PRKCE: variants seen among roughly 807,000 people sequenced by gnomAD.
PRKCE encodes the protein protein kinase C epsilon, also known as protein kinase C epsilon type.
A neutral mutation model predicts 85.4 loss-of-function variants in PRKCE; 16 were observed. The ratio of observed to expected loss-of-function variants is 0.19; its 90% CI spans 0.13 to 0.28. The LOEUF is 0.28. Among genes scored for constraint, PRKCE ranks in the 10% least tolerant of loss-of-function variants. The probability of loss-of-function intolerance (pLI) is 1.00; values close to 1 mark genes in which losing one functional copy is unlikely to be tolerated. For missense variants in PRKCE, 573 were observed against 975.2 expected (o/e 0.59, Z 5.49); for synonymous variants, 388 against 371.5 (o/e 1.04, Z -0.51).
chr2:45,753,697 T>C (rs2104766107), intron 1 of PRKCE, among the ~76,000 whole-genome samples: 1 of 152,276 alleles, frequency 6.6e-6, no homozygotes, highest in East Asian at 1.9e-4. Context: ...TTCACACCTA[T>C]AAAAATAGAG....
chr2:45,853,752 A>G (rs921170861), intron 2 of PRKCE, among the ~76,000 whole-genome samples: 1 of 152,224 alleles, frequency 6.6e-6, no homozygotes, highest in Non-Finnish European at 1.5e-5. Context: ...TTTGCTTTGG[A>G]TAATCGGTTC....
chr2:46,175,469 G>A (rs1172894041), intron 14 of PRKCE, among the ~76,000 whole-genome samples: 8 of 152,268 alleles, frequency 5.3e-5, no homozygotes, highest in Middle Eastern at 3.4e-3. Context: ...TACTGTTCTC[G>A]CCACTTGATT....
chr2:45,661,242 G>T (rs1163817935), intron 1 of PRKCE, among the ~76,000 whole-genome samples: 1 of 151,950 alleles, frequency 6.6e-6, no homozygotes, highest in Non-Finnish European at 1.5e-5. Flanking sequence ...GAGTGCAGTG[G>T]CATGATATCG....
chr2:45,811,988 G>A lies in PRKCE; in HGVS notation c.349-31012G>A, dbSNP rs779706137. ...TTCATTCTTGCTAGGGGATTCCACC[G>A]CAGGGGAATACTCTTGGCACTGTCT... On this transcript the variant is annotated intron_variant, in intron 1 of 14. Coordinates refer to ENST00000306156, the MANE Select transcript of PRKCE (RefSeq NM_005400.3). 4.6e-5 allele frequency among the ~76,000 whole-genome samples: 7 copies of A among 152,202 alleles called. No homozygotes were observed. In the South Asian group the frequency reaches 6.2e-4, roughly 14 times the overall value.
intron 14 of PRKCE, among the ~76,000 whole-genome samples, chr2:46,172,714 T>C (rs1158729811): frequency 6.6e-6 from 1 of 152,202 alleles, no homozygotes; most frequent in South Asian, 2.1e-4. Context: ...CATTTTTACA[T>C]GAGACAGCCT....
chr2:46,051,406 C>T (rs1447923682), intron 10 of PRKCE, among the ~76,000 whole-genome samples: 1 of 152,188 alleles, frequency 6.6e-6, no homozygotes, highest in Admixed American at 6.5e-5. Flanking sequence ...GTGATTTTCT[C>T]ACTTAAACAG....
At chr2:46,157,237 G>T (rs933172906) in intron 13 of PRKCE, among the ~76,000 whole-genome samples, 17 of 152,078 alleles carry the variant, frequency 1.1e-4, no homozygotes, top group Non-Finnish European at 2.2e-4. Context: ...AACCTCAGCC[G>T]CACCCGAGTC....
intron 1 of PRKCE, among the ~76,000 whole-genome samples, chr2:45,689,907 A>C (rs1221786760): frequency 6.6e-6 from 1 of 151,932 alleles, no homozygotes; most frequent in Admixed American, 6.6e-5. Flanking sequence ...ATCTCAAAAA[A>C]AAAAAAAAAA....
At chr2:45,919,657 A>C (rs1470721662) in intron 2 of PRKCE, among the ~76,000 whole-genome samples, 1 of 152,250 alleles carries the variant, frequency 6.6e-6, no homozygotes, top group African/African-American at 2.4e-5. Flanking sequence ...GGACATCCCA[A>C]CAGATCGTGG....
rs1574574526 is a variant in PRKCE, at chr2:46,139,396, G to A, written c.1593-5697G>A. Among the ~76,000 whole-genome samples, 1 of 152,216 alleles carries A rather than the reference G, an allele frequency of 6.6e-6. No homozygotes were observed. Among genetic ancestry groups the A allele is most frequent in the East Asian group, 1.9e-4 (1 of 5,182 alleles). On this transcript the variant is annotated intron_variant, in intron 11 of 14. Coordinates refer to ENST00000306156, the MANE Select transcript of PRKCE (RefSeq NM_005400.3). The surrounding 1 kb of genome is among the most constrained non-coding windows in gnomAD (Gnocchi z 5.2). ...TGAGCAGATAGAAGATATAACGGAAGAAAGCCCCCATTTACCAGAAGAATT... is the reference window on the plus strand; with the variant it reads ...TGAGCAGATAGAAGATATAACGGAAAAAAGCCCCCATTTACCAGAAGAATT...
intron 13 of PRKCE, among the ~76,000 whole-genome samples, chr2:46,153,969 T>G (rs1200341510): frequency 6.6e-6 from 1 of 151,978 alleles, no homozygotes; most frequent in Admixed American, 6.5e-5. Context: ...GTATTTTTAG[T>G]AGAGGCAGGG....
intron 13 of PRKCE, 148 bp downstream of exon 13, chr2:46,151,377 C>A: frequency 1.1e-6 from 1 of 873,380 alleles, no homozygotes; most frequent in Non-Finnish European, 1.7e-6. Flanking sequence ...TGCTCATCAC[C>A]ACGGAATGGG....
intron 10 of PRKCE, among the ~76,000 whole-genome samples, chr2:46,014,292 G>T (rs1239183187): frequency 6.6e-6 from 1 of 152,138 alleles, no homozygotes; most frequent in Non-Finnish European, 1.5e-5. Flanking sequence ...AAAATATAAA[G>T]TACAGAAAGA....
intron 1 of PRKCE, among the ~76,000 whole-genome samples, chr2:45,831,115 A>G (rs1380612833): frequency 6.6e-6 from 1 of 152,230 alleles, no homozygotes; most frequent in African/African-American, 2.4e-5. Flanking sequence ...GGGAAGACTC[A>G]AAGATCTGAG....
In PRKCE at chr2:46,187,249, AC is replaced by A. The variant is rs1339194427; in HGVS notation, c.*2369del. ...GTGGGAACTGGGCCTTTCCTACAGGACAACTGGCAAGTTTGCTGGGAAGTCA... is the reference window on the plus strand; with the variant it reads ...GTGGGAACTGGGCCTTTCCTACAGGAAACTGGCAAGTTTGCTGGGAAGTCA... On this transcript the variant is annotated 3_prime_UTR_variant, in exon 15 of 15. Transcript: ENST00000306156. 1.3e-5 allele frequency: 2 copies of A among 152,576 alleles called. No individual in the cohort carries two copies. The highest frequency in any genetic ancestry group is 6.5e-5 in the Admixed American group (1 of 15,288). The allele number at this position is 152,576 out of a possible 1,614,324, so 9.5% of individuals were successfully genotyped here. A position where few individuals can be genotyped will look rare whatever the true frequency, so the allele number is the denominator to read the frequency against.
chr2:45,967,442 G>A (rs1701807713), intron 2 of PRKCE, among the ~76,000 whole-genome samples: 1 of 152,134 alleles, frequency 6.6e-6, no homozygotes, highest in Admixed American at 6.5e-5. Context: ...CAGTAGACCA[G>A]CAGAGGGAGA....
chr2:46,086,420 C>T, intron 11 of PRKCE, 58 bp downstream of exon 11: 6 of 1,558,118 alleles, frequency 3.9e-6, no homozygotes, highest in East Asian at 2.3e-5. Context: ...ATGCTTCAGA[C>T]ACTTGAACTG....
In PRKCE at chr2:45,905,045, G is replaced by A. The variant is rs1195636240; in HGVS notation, c.412+61982G>A. ...ACTTCAGCAGGCACGGTGACACACA[G>A]GACTCACTGGATGCTACGGTGTTAA... On this transcript the variant is annotated intron_variant, in intron 2 of 14. Coordinates refer to ENST00000306156, the MANE Select transcript of PRKCE (RefSeq NM_005400.3). The surrounding 1 kb of genome is among the most constrained non-coding windows in gnomAD (Gnocchi z 4.4). Among the ~76,000 whole-genome samples the A allele has an allele frequency of 6.6e-6, 1 of 152,244 alleles. No individual in the cohort carries two copies. The highest frequency in any genetic ancestry group is 1.5e-5 in the Non-Finnish European group (1 of 68,042).
chr2:45,896,128 T>C (rs1696121551), intron 2 of PRKCE, among the ~76,000 whole-genome samples: 1 of 152,156 alleles, frequency 6.6e-6, no homozygotes, highest in South Asian at 2.1e-4. Context: ...CTTGTCCGAG[T>C]CAGTTAACCT....
Sources: gnomAD v4.1 joint callset for allele counts (sites outside exome capture counted in the v4.1 genomes callset) on GRCh38, gnomAD v4.1.1 for gene constraint, Gnocchi (gnomAD v3.1) non-coding constraint, MANE v1.5 for transcripts, NCBI Gene and HGNC (gene_info 2026-07-23, HGNC 2026-07-21) for gene names.